Variants in CADM2 observed in about 807,000 individuals in gnomAD.
The protein encoded by CADM2 is cell adhesion molecule 2.
CADM2 carries 12 observed loss-of-function variants against 49.8 expected under a neutral mutation model. The observed-to-expected ratio is 0.24, with a 90% confidence interval of 0.15 to 0.39. CADM2 has a LOEUF of 0.39. Ranked by LOEUF, CADM2 falls within the 10% of genes least tolerant of loss-of-function variation. The pLI is 1.00. For synonymous variants in CADM2, 214 were observed against 175.4 expected (o/e 1.22, Z -1.74); for missense variants, 378 against 492.3 (o/e 0.77, Z 2.20).
intron 1 of CADM2, among the ~76,000 whole-genome samples, chr3:85,579,112 T>G (rs1037549813): frequency 6.6e-6 from 1 of 152,126 alleles, no homozygotes; most frequent in African/African-American, 2.4e-5. Flanking sequence ...CTGGATCCAG[T>G]GGTAATATCT....
intron 1 of CADM2, among the ~76,000 whole-genome samples, chr3:84,960,667 G>A (rs1042008854): frequency 3.9e-5 from 6 of 152,132 alleles, no homozygotes; most frequent in Non-Finnish European, 7.3e-5. Context: ...CGCACAAAAC[G>A]CTGTTATTAT....
intron 3 of CADM2, among the ~76,000 whole-genome samples, chr3:85,827,218 A>G (rs572260997): frequency 6.4e-4 from 97 of 152,158 alleles, no homozygotes; most frequent in African/African-American, 2.3e-3. Context: ...TTTGAAAAAC[A>G]TAATATGAAA....
intron 1 of CADM2, among the ~76,000 whole-genome samples, chr3:85,573,895 C>T (rs879102466): frequency 7.2e-5 from 11 of 152,054 alleles, no homozygotes; most frequent in Non-Finnish European, 1.2e-4. Context: ...ATCACCAATA[C>T]GGATTGAGAG....
intron 3 of CADM2, among the ~76,000 whole-genome samples, chr3:85,881,777 C>T (rs140755281): frequency 1.4e-3 from 217 of 152,174 alleles, no homozygotes; most frequent in African/African-American, 4.9e-3. Context: ...GCACCAGGAA[C>T]CAGTTTTGTG....
At chr3:85,760,869 A>G (rs2069338979) in intron 2 of CADM2, among the ~76,000 whole-genome samples, 1 of 152,204 alleles carries the variant, frequency 6.6e-6, no homozygotes, top group Non-Finnish European at 1.5e-5. Flanking sequence ...AAAATAGGTA[A>G]TAAATTAACA....
chr3:85,555,360 A>G (rs557322891), intron 1 of CADM2, among the ~76,000 whole-genome samples: 4 of 152,190 alleles, frequency 2.6e-5, no homozygotes, highest in Non-Finnish European at 4.4e-5. Context: ...CTGTTTTTAC[A>G]CAAGATCTTA....
intron 1 of CADM2, among the ~76,000 whole-genome samples, chr3:85,619,044 GAAAA>G (rs62724860): frequency 1.4e-5 from 2 of 146,548 alleles, no homozygotes; most frequent in African/African-American, 5.1e-5. Flanking sequence ...TGTCTCAAAA[GAAAA>G]AAAAAAACCC....
At chr3:85,815,596 C>T (rs1411445744) in intron 3 of CADM2, among the ~76,000 whole-genome samples, 1 of 152,074 alleles carries the variant, frequency 6.6e-6, no homozygotes, top group African/African-American at 2.4e-5. Context: ...GAACATATCT[C>T]AAAATAATAA....
At chr3:85,242,159 T>G (rs1402737271) in intron 1 of CADM2, among the ~76,000 whole-genome samples, 1 of 151,222 alleles carries the variant, frequency 6.6e-6, no homozygotes, top group Non-Finnish European at 1.5e-5. Context: ...TTTTCTGGTA[T>G]AAAACTTTTC....
At chr3:85,703,481 G>A (rs2066846149) in intron 1 of CADM2, among the ~76,000 whole-genome samples, 1 of 152,086 alleles carries the variant, frequency 6.6e-6, no homozygotes, top group African/African-American at 2.4e-5. Context: ...AAGGGCAAAT[G>A]ATTTATAAAC....
At position 85,469,848 on chromosome 3, in the gene CADM2, C is replaced by T. The variant is rs143656147; in HGVS notation, c.62-256674C>T. ...CAGGTGCCTACAACTCTATCTGGCACGTGGGAGGTGCCCAATGAGTATTAT... is the reference window on the plus strand; with the variant it reads ...CAGGTGCCTACAACTCTATCTGGCATGTGGGAGGTGCCCAATGAGTATTAT... On this transcript the variant is annotated intron_variant, in intron 1 of 9. Coordinates refer to ENST00000383699, the MANE Select transcript of CADM2 (RefSeq NM_001167675.2). Among the ~76,000 whole-genome samples, 309 of 152,196 alleles carry T rather than the reference C, an allele frequency of 2.0e-3. 1 individual carries two copies. Among genetic ancestry groups the T allele is most frequent in the African/African-American group, 6.7e-3 (278 of 41,526 alleles).
At chr3:85,371,619 C>CTGTGTGTGTGTGTG (rs71108284) in intron 1 of CADM2, among the ~76,000 whole-genome samples, 2 of 124,674 alleles carry the variant, frequency 1.6e-5, no homozygotes, top group African/African-American at 6.1e-5. Flanking sequence ...CCACACATCA[C>CTGTGTGTGTGTGTG]TGTGTGTGTG....
intron 1 of CADM2, among the ~76,000 whole-genome samples, chr3:85,698,040 T>C (rs2107699955): frequency 6.6e-6 from 1 of 152,362 alleles, no homozygotes; most frequent in South Asian, 2.1e-4. Flanking sequence ...TCATCATTCT[T>C]TCTCATCAGA....
intron 3 of CADM2, among the ~76,000 whole-genome samples, chr3:85,819,691 C>T (rs1577391973): frequency 6.6e-6 from 1 of 152,218 alleles, no homozygotes; most frequent in East Asian, 1.9e-4. Context: ...TATTAATTCA[C>T]TATATCATTA....
chr3:85,857,514 G>A (rs1305277350), intron 3 of CADM2, among the ~76,000 whole-genome samples: 1 of 73,358 alleles, frequency 1.4e-5, no homozygotes, highest in Non-Finnish European at 3.2e-5. Flanking sequence ...GTCTCACTCT[G>A]TTGCTCAGGC....
At chr3:85,480,660 A>G (rs2039173506) in intron 1 of CADM2, among the ~76,000 whole-genome samples, 1 of 151,900 alleles carries the variant, frequency 6.6e-6, no homozygotes, top group African/African-American at 2.4e-5. Context: ...TATCCATAGC[A>G]TATATCATAT....
At chr3:85,381,821 C>T (rs1419239832) in intron 1 of CADM2, among the ~76,000 whole-genome samples, 1 of 151,978 alleles carries the variant, frequency 6.6e-6, no homozygotes, top group Non-Finnish European at 1.5e-5. Context: ...ATGTCTCTAC[C>T]TTTGGCCTTG....
chr3:85,037,707 T>C (rs1242761932), intron 1 of CADM2, among the ~76,000 whole-genome samples: 1 of 152,170 alleles, frequency 6.6e-6, no homozygotes, highest in East Asian at 1.9e-4. Context: ...GCATTATATA[T>C]GCCTTGGGAC....
Sources: allele counts gnomAD v4.1 joint callset (sites outside exome capture counted in the v4.1 genomes callset), GRCh38; gene constraint gnomAD v4.1.1; transcripts MANE v1.5; gene names NCBI Gene and HGNC (gene_info 2026-07-23, HGNC 2026-07-21).